The following MSI2 variants were observed in gnomAD, a reference collection of about 807,000 sequenced individuals.
The protein encoded by MSI2 is RNA-binding protein Musashi homolog 2.
In MSI2, 17 loss-of-function variants were observed where a neutral mutation model predicts 45.6. The ratio of observed to expected loss-of-function variants is 0.37; its 90% CI spans 0.26 to 0.56. MSI2 has a LOEUF of 0.56. Among genes scored for constraint, MSI2 ranks in the 20% least tolerant of loss-of-function variants. The probability of loss-of-function intolerance (pLI) is 0.77; values close to 1 mark genes in which losing one functional copy is unlikely to be tolerated. For synonymous variants in MSI2, 156 were observed against 158.2 expected, an observed-to-expected ratio of 0.99 and a Z score of 0.11; for missense variants, 293 against 444.2, an observed-to-expected ratio of 0.66 and a Z score of 3.06.
At chr17:57,513,607 G>A (rs1393478172) in intron 6 of MSI2, among the ~76,000 whole-genome samples, 3 of 152,210 alleles carry the variant, frequency 2.0e-5, no homozygotes, top group Non-Finnish European at 4.4e-5. Flanking sequence ...AGGACTATAT[G>A]CCCATGACCA....
the MSI2 span, among the ~76,000 whole-genome samples, chr17:57,701,462 G>A: frequency 6.6e-6 from 1 of 152,190 alleles, no homozygotes; most frequent in Non-Finnish European, 1.5e-5. Context: ...AAAACAGTGA[G>A]AAATTGCTGC....
intron 7 of MSI2, among the ~76,000 whole-genome samples, chr17:57,586,489 G>A (rs971222497): frequency 1.7e-4 from 22 of 132,124 alleles, no homozygotes; most frequent in African/African-American, 4.6e-4. Flanking sequence ...TCAGGGAGGT[G>A]CCCCCATCAG....
chr17:57,488,890 A>G (rs983343674), intron 6 of MSI2, among the ~76,000 whole-genome samples: 2 of 151,974 alleles, frequency 1.3e-5, no homozygotes, highest in Non-Finnish European at 2.9e-5. Flanking sequence ...GTGTGCAGAC[A>G]CGATAAGAGG....
At chr17:57,654,318 T>C (rs921490016) in intron 11 of MSI2, among the ~76,000 whole-genome samples, 2 of 152,200 alleles carry the variant, frequency 1.3e-5, no homozygotes, top group Non-Finnish European at 2.9e-5. Context: ...GCTACCCTAG[T>C]TCCTCAGCCC....
intron 7 of MSI2, among the ~76,000 whole-genome samples, chr17:57,546,310 G>A (rs115776501): frequency 0.011 from 1,700 of 152,282 alleles, 42 homozygotes; most frequent in African/African-American, 0.038. Context: ...ACAAGGGACC[G>A]CGGTTATTGT....
At chr17:57,560,844 A>G (rs1414076858) in intron 7 of MSI2, among the ~76,000 whole-genome samples, 1 of 152,214 alleles carries the variant, frequency 6.6e-6, no homozygotes, top group African/African-American at 2.4e-5. Context: ...TGGTTATTTA[A>G]TCTTTGCCAA....
intron 6 of MSI2, among the ~76,000 whole-genome samples, chr17:57,480,625 G>T (rs961920442): frequency 6.6e-6 from 1 of 152,166 alleles, no homozygotes; most frequent in African/African-American, 2.4e-5. Context: ...CCTGAGCTTG[G>T]CTGGGTTTCA....
intron 6 of MSI2, chr17:57,523,624 G>A (rs1467498282): frequency 6.6e-6 from 1 of 152,196 alleles, no homozygotes; most frequent in East Asian, 1.9e-4. Context: ...GTTTCTCTTG[G>A]CGCTTCTAGG....
At chr17:57,653,053 C>T (rs1911296158) in intron 11 of MSI2, among the ~76,000 whole-genome samples, 2 of 152,096 alleles carry the variant, frequency 1.3e-5, no homozygotes, top group Admixed American at 6.5e-5. Flanking sequence ...TCTGGAGCAC[C>T]CAGGGAAGCG....
intron 6 of MSI2, among the ~76,000 whole-genome samples, chr17:57,514,988 C>T (rs1009149108): frequency 2.0e-5 from 3 of 152,186 alleles, no homozygotes; most frequent in Non-Finnish European, 2.9e-5. Flanking sequence ...CACACCCCAT[C>T]CCAGCCACTT....
At chr17:57,567,103 T>G (rs1057112814) in intron 7 of MSI2, among the ~76,000 whole-genome samples, 2 of 152,178 alleles carry the variant, frequency 1.3e-5, no homozygotes, top group African/African-American at 4.8e-5. Flanking sequence ...TTCCAGACAA[T>G]CCATTCTGTC....
rs201798218 is a variant in MSI2 at position 57,652,139 on chromosome 17, G to A, written c.768G>A (p.Ala256=). The A allele has an allele frequency of 5.1e-3, 8,236 of 1,614,062 alleles. 31 individuals are homozygous for A. Among genetic ancestry groups the A allele is most frequent in the Non-Finnish European group, 5.8e-3 (6,812 of 1,179,980 alleles). The change falls in exon 11 of 14, where the codon GCG becomes GCA. Residue 256 remains alanine (A), a synonymous_variant. Coordinates refer to ENST00000284073, the MANE Select transcript of MSI2 (RefSeq NM_138962.4). The surrounding 1 kb of genome is among the most constrained non-coding windows in gnomAD (Gnocchi z 4.1). ...CTTATGGACCAGTGGCAGCAGCGGC[G>A]GTGGCGGCAGCAAGAGGATCAGGTA... The part of the protein sequence containing the change: ...AAAYGPVAAA[A]VAAARGSGSN...
At chr17:57,461,555 A>G (rs1364717448) in intron 6 of MSI2, among the ~76,000 whole-genome samples, 1 of 146,698 alleles carries the variant, frequency 6.8e-6, no homozygotes, top group Non-Finnish European at 1.5e-5. Flanking sequence ...TTTTTTTGAG[A>G]CATAGTCTCT....
chr17:57,357,552 AG>A (rs1004703806), intron 5 of MSI2, among the ~76,000 whole-genome samples: 6 of 152,164 alleles, frequency 3.9e-5, no homozygotes, highest in Admixed American at 1.3e-4. Flanking sequence ...TGTGCTTGCC[AG>A]GGCGAGGAGA....
chr17:57,625,145 A>C (rs1293882636), intron 9 of MSI2, among the ~76,000 whole-genome samples: 1 of 152,194 alleles, frequency 6.6e-6, no homozygotes, highest in East Asian at 1.9e-4. Context: ...CCATCTCCTA[A>C]GGCCATCACC....
chr17:57,319,306 C>T (rs111246050), intron 5 of MSI2, among the ~76,000 whole-genome samples: 2 of 152,116 alleles, frequency 1.3e-5, no homozygotes, highest in African/African-American at 4.8e-5. Context: ...TTCAGAGAAG[C>T]GAGGTGACCT....
chr17:57,291,254 T>C (rs1910393920), intron 5 of MSI2, among the ~76,000 whole-genome samples: 1 of 152,202 alleles, frequency 6.6e-6, no homozygotes, highest in South Asian at 2.1e-4. Context: ...TTGCCAAGAT[T>C]CGCTTATATG....
chr17:57,321,066 C>T (rs2143667758), intron 5 of MSI2, among the ~76,000 whole-genome samples: 2 of 151,696 alleles, frequency 1.3e-5, no homozygotes, highest in South Asian at 4.2e-4. Context: ...CACTGGCTGT[C>T]TTACTCTGGG....
intron 6 of MSI2, among the ~76,000 whole-genome samples, chr17:57,464,693 G>A (rs2085298708): frequency 6.6e-6 from 1 of 152,180 alleles, no homozygotes; most frequent in Admixed American, 6.5e-5. Flanking sequence ...TGCCCCTTGG[G>A]ACACTCTTTG....
Sources: gnomAD v4.1 joint callset for allele counts (sites outside exome capture counted in the v4.1 genomes callset) on GRCh38, gnomAD v4.1.1 for gene constraint, Gnocchi (gnomAD v3.1) non-coding constraint, MANE v1.5 for transcripts, NCBI Gene and HGNC (gene_info 2026-07-23, HGNC 2026-07-21) for gene names.